TTC23: variants seen among roughly 807,000 people sequenced by gnomAD.
TTC23 encodes tetratricopeptide repeat protein 23.
Under a neutral mutation model 55.1 loss-of-function variants are expected in TTC23, and 58 were observed. The ratio of observed to expected loss-of-function variants is 1.05; its 90% CI spans 0.85 to 1.31. The LOEUF (loss-of-function observed/expected upper bound fraction) is 1.31. Among genes scored for constraint, TTC23 ranks in the 50% most tolerant of loss-of-function variants. The pLI is 0.00. For missense variants in TTC23, 516 were observed against 534.4 expected (o/e 0.97, Z 0.34); for synonymous variants, 203 against 199.9 (o/e 1.02, Z -0.13).
intron 11 of TTC23, chr15:99,160,174 A>G (rs1013102996): frequency 2.0e-5 from 3 of 151,742 alleles, no homozygotes; most frequent in Non-Finnish European, 4.4e-5. Flanking sequence ...CCTGAGAAAC[A>G]TAGGTATATC....
chr15:99,218,533 A>G, intron 8 of TTC23, 55 bp downstream of exon 8: 4 of 1,609,410 alleles, frequency 2.5e-6, no homozygotes, highest in Non-Finnish European at 3.4e-6. Flanking sequence ...GACAGATTCT[A>G]CAGGCAAAGA....
At chr15:99,152,209 C>T (rs945042321) in intron 12 of TTC23, among the ~76,000 whole-genome samples, 2 of 152,146 alleles carry the variant, frequency 1.3e-5, no homozygotes, top group East Asian at 1.9e-4. Context: ...TTTCCCCATG[C>T]GACGTGCCTT....
chr15:99,228,673 C>T lies in TTC23; in HGVS notation c.40G>A (p.Asp14Asn), dbSNP rs1246651699. The T allele has an allele frequency of 3.1e-6, 5 of 1,612,956 alleles. No individual in the cohort carries two copies. The highest frequency in any genetic ancestry group is 1.3e-5 in the African/African-American group (1 of 74,904). ...SQETHISNHL[D>N]EVVAAVSITH... is the part of the protein sequence containing the mutation. ...ATGCTAACAGCAGCAACAACTTCAT[C>T]TAGGTGGTTGGATATGTGGGTTTCC... The change falls in exon 5 of 14, where the codon GAT becomes AAT. Residue 14 changes from aspartate (D) to asparagine (N), a missense_variant. Coordinates refer to ENST00000394132, the MANE Select transcript of TTC23 (RefSeq NM_001288615.3).
intron 13 of TTC23, among the ~76,000 whole-genome samples, chr15:99,138,525 T>C (rs2067821353): frequency 6.6e-6 from 1 of 152,150 alleles, no homozygotes; most frequent in South Asian, 2.1e-4. Context: ...TGTTGGCCAG[T>C]CTGGTCTCAA....
rs1555488844 is a variant in TTC23, at chr15:99,139,311, A to G, written c.1226+6T>C. The G allele has an allele frequency of 1.2e-6, 2 of 1,611,616 alleles. No homozygotes were observed. The highest frequency in any genetic ancestry group is 1.1e-5 in the South Asian group (1 of 91,052). Reference sequence around the variant, plus strand: ...GATAGAGAAAGTGTGAGGGACGCCAACTCACGTGGACAGCATGCCCATGGC... The same window carrying G: ...GATAGAGAAAGTGTGAGGGACGCCAGCTCACGTGGACAGCATGCCCATGGC... On this transcript the variant is annotated splice_donor_region_variant and intron_variant, in intron 13 of 13. Coordinates refer to ENST00000394132, the MANE Select transcript of TTC23 (RefSeq NM_001288615.3).
At chr15:99,191,500 GA>G (rs1257948248) in intron 9 of TTC23, among the ~76,000 whole-genome samples, 4 of 152,200 alleles carry the variant, frequency 2.6e-5, no homozygotes, top group African/African-American at 9.7e-5. Context: ...TCGTAATAGT[GA>G]ATAAGTCTCA....
chr15:99,221,618 C>T, intron 6 of TTC23, 123 bp downstream of exon 6: 5 of 1,260,032 alleles, frequency 4.0e-6, no homozygotes, highest in South Asian at 3.1e-5. Context: ...AAAGAAATGG[C>T]TTCTTGGTAT....
At chr15:99,229,868 A>G (rs892204774) in intron 4 of TTC23, among the ~76,000 whole-genome samples, 13 of 152,236 alleles carry the variant, frequency 8.5e-5, no homozygotes, top group African/African-American at 2.9e-4. Context: ...TCTAGACTGA[A>G]CACTGCTCAG....
intron 10 of TTC23, among the ~76,000 whole-genome samples, chr15:99,165,739 T>C (rs1191036507): frequency 6.6e-6 from 1 of 151,864 alleles, no homozygotes; most frequent in Non-Finnish European, 1.5e-5. Flanking sequence ...TAGCTGCCCA[T>C]GCGAGAAAAC....
At chr15:99,167,353 G>A (rs910965903) in intron 10 of TTC23, among the ~76,000 whole-genome samples, 6 of 152,208 alleles carry the variant, frequency 3.9e-5, no homozygotes, top group Non-Finnish European at 7.3e-5. Flanking sequence ...ATCTGATGCC[G>A]AAGGCCTGGG....
chr15:99,247,914 T>C (rs1297353286), intron 1 of TTC23, among the ~76,000 whole-genome samples: 11 of 152,194 alleles, frequency 7.2e-5, no homozygotes, highest in Non-Finnish European at 1.2e-4. Context: ...AAATGAACTT[T>C]ATAATATATA....
chr15:99,177,818 G>A (rs1718805258), intron 9 of TTC23, among the ~76,000 whole-genome samples: 1 of 152,098 alleles, frequency 6.6e-6, no homozygotes, highest in South Asian at 2.1e-4. Context: ...TGAAAACACT[G>A]TAAGTTGTTT....
chr15:99,179,410 C>T (rs768151820), intron 9 of TTC23, among the ~76,000 whole-genome samples: 3 of 152,192 alleles, frequency 2.0e-5, no homozygotes, highest in Non-Finnish European at 2.9e-5. Flanking sequence ...TAATGGGCAC[C>T]GCCCATTGCC....
At chr15:99,210,474 T>C (rs1011915685) in intron 8 of TTC23, among the ~76,000 whole-genome samples, 1 of 152,178 alleles carries the variant, frequency 6.6e-6, no homozygotes, top group Non-Finnish European at 1.5e-5. Context: ...CTTTGTTAAG[T>C]AAGCAAAAAG....
At chr15:99,202,889 T>C (rs1410920957) in intron 8 of TTC23, among the ~76,000 whole-genome samples, 2 of 152,240 alleles carry the variant, frequency 1.3e-5, no homozygotes, top group African/African-American at 4.8e-5. Context: ...ACACTGGTTG[T>C]TGTGAGAATT....
chr15:99,202,774 T>C (rs1319994347), intron 8 of TTC23, among the ~76,000 whole-genome samples: 1 of 152,136 alleles, frequency 6.6e-6, no homozygotes, highest in Non-Finnish European at 1.5e-5. Context: ...GAGAATCAGT[T>C]GTAAGTAAGC....
intron 10 of TTC23, 74 bp from the exon 11 acceptor site, chr15:99,161,941 T>G: frequency 6.8e-7 from 1 of 1,479,500 alleles, no homozygotes; most frequent in Non-Finnish European, 9.0e-7. Context: ...AATATACTGT[T>G]AGCAGTGTTG....
chr15:99,187,452 C>CAAAAAAAAAAACA (rs2074783059), intron 9 of TTC23, among the ~76,000 whole-genome samples: 1 of 44,506 alleles, frequency 2.2e-5, no homozygotes, highest in East Asian at 6.6e-4. Context: ...AAAGCACAAG[C>CAAAAAAAAAAACA]AAAAAAAAAA....
intron 8 of TTC23, among the ~76,000 whole-genome samples, chr15:99,207,576 G>A (rs573482894): frequency 6.6e-6 from 1 of 152,258 alleles, no homozygotes; most frequent in Non-Finnish European, 1.5e-5. Flanking sequence ...CCTGGCCACG[G>A]TGAAACCCCG....
Sources: allele counts gnomAD v4.1 joint callset (sites outside exome capture counted in the v4.1 genomes callset), GRCh38; gene constraint gnomAD v4.1.1; transcripts MANE v1.5; gene names NCBI Gene and HGNC (gene_info 2026-07-23, HGNC 2026-07-21).